CPQ: variants seen among roughly 807,000 people sequenced by gnomAD.
CPQ encodes carboxypeptidase Q.
In CPQ, 37 loss-of-function variants were observed where a neutral mutation model predicts 45.7. The ratio of observed to expected loss-of-function variants is 0.81; its 90% CI spans 0.62 to 1.07. The LOEUF (loss-of-function observed/expected upper bound fraction) is 1.07. Among genes scored for constraint, CPQ ranks in the 50% least tolerant of loss-of-function variants. The pLI, the probability that CPQ is intolerant of heterozygous loss-of-function variation, is 0.00. For synonymous variants in CPQ, 186 were observed against 205.8 expected, an observed-to-expected ratio of 0.90 and a Z score of 0.82; for missense variants, 537 against 572.9, an observed-to-expected ratio of 0.94 and a Z score of 0.64.
chr8:96,975,444 T>C (rs1397571487), intron 5 of CPQ, among the ~76,000 whole-genome samples: 2 of 151,422 alleles, frequency 1.3e-5, no homozygotes, highest in Non-Finnish European at 2.9e-5. Flanking sequence ...TTTCAAAGGA[T>C]AAGGAAATAG....
chr8:96,904,859 C>T (rs1036594849), intron 4 of CPQ, among the ~76,000 whole-genome samples: 2 of 152,156 alleles, frequency 1.3e-5, no homozygotes, highest in Non-Finnish European at 2.9e-5. Flanking sequence ...AGAATCTGAA[C>T]AGCCCCTCTT....
intron 5 of CPQ, among the ~76,000 whole-genome samples, chr8:97,020,959 T>C (rs1464491373): frequency 6.6e-6 from 1 of 152,134 alleles, no homozygotes; most frequent in Non-Finnish European, 1.5e-5. Flanking sequence ...TGAATATAGA[T>C]GCTAAAATCC....
At chr8:97,029,357 T>G in intron 5 of CPQ, 46 bp from the exon 6 acceptor site, 2 of 1,530,572 alleles carry the variant, frequency 1.3e-6, no homozygotes, top group East Asian at 2.4e-5. Context: ...TTTATAAAAT[T>G]CAAAATCAAC....
chr8:96,731,030 G>A (rs901429892), intron 1 of CPQ, among the ~76,000 whole-genome samples: 5 of 151,626 alleles, frequency 3.3e-5, no homozygotes, highest in African/African-American at 1.2e-4. Flanking sequence ...GGCACCATTT[G>A]CTACACCCAC....
chr8:96,903,569 A>G (rs908382667), intron 4 of CPQ, among the ~76,000 whole-genome samples: 1 of 152,208 alleles, frequency 6.6e-6, no homozygotes, highest in Non-Finnish European at 1.5e-5. Context: ...TAGCAAAAAT[A>G]GCCGCTATTT....
At chr8:96,650,728 T>G (rs1815567834) in intron 1 of CPQ, among the ~76,000 whole-genome samples, 1 of 152,206 alleles carries the variant, frequency 6.6e-6, no homozygotes, top group African/African-American at 2.4e-5. Flanking sequence ...AGCCAAGATC[T>G]CTGGGGAGAC....
chr8:97,028,526 T>A (rs1256388590), intron 5 of CPQ, among the ~76,000 whole-genome samples: 1 of 152,238 alleles, frequency 6.6e-6, no homozygotes, highest in East Asian at 1.9e-4. Context: ...TCTGTCTTTG[T>A]TATTTCTCAG....
chr8:96,742,280 A>G (rs1008590966), intron 1 of CPQ, among the ~76,000 whole-genome samples: 5 of 152,174 alleles, frequency 3.3e-5, no homozygotes, highest in African/African-American at 1.2e-4. Context: ...CTGTTTTATT[A>G]GAGACTAGGA....
intron 4 of CPQ, among the ~76,000 whole-genome samples, chr8:96,952,980 C>A (rs1813292183): frequency 6.6e-6 from 1 of 151,998 alleles, no homozygotes; most frequent in Non-Finnish European, 1.5e-5. Context: ...CAGCATAGCT[C>A]CAATTCAGGA....
intron 4 of CPQ, among the ~76,000 whole-genome samples, chr8:96,948,292 T>C (rs1288520143): frequency 2.0e-5 from 3 of 152,140 alleles, no homozygotes; most frequent in Non-Finnish European, 4.4e-5. Context: ...ATTTTAACAG[T>C]ATTAATTTTT....
chr8:96,996,467 A>T (rs1188569774), intron 5 of CPQ, among the ~76,000 whole-genome samples: 1 of 152,014 alleles, frequency 6.6e-6, no homozygotes, highest in African/African-American at 2.4e-5. Context: ...TTCTCTGCTT[A>T]ATAAGTACCA....
At chr8:96,758,338 A>G (rs1810352913) in intron 1 of CPQ, among the ~76,000 whole-genome samples, 1 of 152,212 alleles carries the variant, frequency 6.6e-6, no homozygotes, top group African/African-American at 2.4e-5. Context: ...CTCTATGGGT[A>G]ATCAACATCT....
intron 5 of CPQ, among the ~76,000 whole-genome samples, chr8:97,002,417 C>T (rs1381235328): frequency 6.6e-6 from 1 of 152,162 alleles, no homozygotes; most frequent in Non-Finnish European, 1.5e-5. Flanking sequence ...AGATCTCCCT[C>T]TTAACACTGC....
At chr8:97,087,405 T>TG (rs33969565) in intron 7 of CPQ, among the ~76,000 whole-genome samples, 17,729 of 152,120 alleles carry the variant, frequency 0.12, 1,726 homozygotes, top group African/African-American at 0.26. Context: ...GGTGCCGACT[T>TG]GGGGGGTCAA....
chr8:97,122,858 C>G (rs1384308118), intron 7 of CPQ, among the ~76,000 whole-genome samples: 6 of 143,660 alleles, frequency 4.2e-5, no homozygotes, highest in Non-Finnish European at 7.4e-5. Context: ...GTACTCCAGC[C>G]TGGGCAACAG....
intron 7 of CPQ, among the ~76,000 whole-genome samples, chr8:97,093,263 A>AT (rs1336603597): frequency 3.3e-5 from 5 of 152,204 alleles, no homozygotes; most frequent in African/African-American, 1.2e-4. Flanking sequence ...ACTTTTGGAG[A>AT]TTTTTCAAAG....
chr8:96,724,927 T>G (rs946887422), intron 1 of CPQ, among the ~76,000 whole-genome samples: 3 of 152,068 alleles, frequency 2.0e-5, no homozygotes, highest in African/African-American at 7.2e-5. Context: ...GAAATAAAGC[T>G]GCACAACTAC....
At chr8:96,768,082 T>C (rs1402470756) in intron 1 of CPQ, among the ~76,000 whole-genome samples, 1 of 152,202 alleles carries the variant, frequency 6.6e-6, no homozygotes, top group Non-Finnish European at 1.5e-5. Flanking sequence ...AGTTACCTTT[T>C]TAATTTCCTG....
At chr8:96,669,950 A>G (rs1314734112) in intron 1 of CPQ, among the ~76,000 whole-genome samples, 1 of 152,218 alleles carries the variant, frequency 6.6e-6, no homozygotes, top group Non-Finnish European at 1.5e-5. Flanking sequence ...CTGGTCAATG[A>G]ATAATTTTAT....
Sources: allele counts gnomAD v4.1 joint callset (sites outside exome capture counted in the v4.1 genomes callset), GRCh38; gene constraint gnomAD v4.1.1; transcripts MANE v1.5; gene names NCBI Gene and HGNC (gene_info 2026-07-23, HGNC 2026-07-21).